The following PDE8B variants were observed in gnomAD, a reference collection of about 807,000 sequenced individuals.
PDE8B encodes the protein high affinity cAMP-specific and IBMX-insensitive 3',5'-cyclic phosphodiesterase 8B.
A neutral mutation model predicts 101.3 loss-of-function variants in PDE8B; 26 were observed. That is an observed-to-expected ratio of 0.26 (90% CI 0.19 to 0.36). PDE8B has a LOEUF of 0.36. PDE8B is among the 10% of genes least tolerant of loss of function. PDE8B has a pLI of 1.00. For synonymous variants in PDE8B, 424 were observed against 429.3 expected, an observed-to-expected ratio of 0.99 and a Z score of 0.15; for missense variants, 810 against 1,163.1, an observed-to-expected ratio of 0.70 and a Z score of 4.42.
At chr5:77,367,901 A>G (rs1244381970) in intron 10 of PDE8B, among the ~76,000 whole-genome samples, 1 of 152,184 alleles carries the variant, frequency 6.6e-6, no homozygotes, top group East Asian at 1.9e-4. Flanking sequence ...CTGCACTTGC[A>G]GCGTTCTTCA....
At chr5:77,376,765 C>T (rs1413722830) in intron 10 of PDE8B, among the ~76,000 whole-genome samples, 1 of 152,170 alleles carries the variant, frequency 6.6e-6, no homozygotes, top group African/African-American at 2.4e-5. Flanking sequence ...TGCACTAGCT[C>T]TCAAGGGACC....
chr5:77,280,018 T>C (rs976249023), intron 1 of PDE8B, among the ~76,000 whole-genome samples: 4 of 152,220 alleles, frequency 2.6e-5, no homozygotes, highest in African/African-American at 7.2e-5. Flanking sequence ...GCCAGCTTTA[T>C]CCTGACGCCC....
chr5:77,283,355 A>G (rs1765390996), intron 1 of PDE8B, among the ~76,000 whole-genome samples: 1 of 152,172 alleles, frequency 6.6e-6, no homozygotes, highest in African/African-American at 2.4e-5. Flanking sequence ...ATAATCATCC[A>G]GAGTCCATAG....
chr5:77,339,320 G>A (rs1778769337), intron 6 of PDE8B, among the ~76,000 whole-genome samples: 1 of 152,180 alleles, frequency 6.6e-6, no homozygotes, highest in South Asian at 2.1e-4. Flanking sequence ...CTTGACCCAC[G>A]AAGGTAGTGG....
chr5:77,217,292 G>A (rs561705273), intron 1 of PDE8B, among the ~76,000 whole-genome samples: 152 of 151,180 alleles, frequency 1.0e-3, no homozygotes, highest in African/African-American at 3.5e-3. Context: ...TGTCTTATCA[G>A]TTTATTCCAT....
rs114390680 is a variant in PDE8B at position 77,288,735 on chromosome 5, T to C, written c.340-23259T>C. Reference sequence around the variant, plus strand: ...TTTACAAAACTGATATCCATAGAGATGGTGTGATTTGTCCATGACCACACA... The same window carrying C: ...TTTACAAAACTGATATCCATAGAGACGGTGTGATTTGTCCATGACCACACA... On this transcript the variant is annotated intron_variant, in intron 1 of 21. Coordinates refer to ENST00000264917, the MANE Select transcript of PDE8B (RefSeq NM_003719.5). Among the ~76,000 whole-genome samples the C allele has an allele frequency of 7.1e-3, 1,077 of 152,268 alleles. 15 individuals are homozygous for C. Among genetic ancestry groups the C allele is most frequent in the African/African-American group, 0.024 (1,007 of 41,550 alleles).
intron 7 of PDE8B, among the ~76,000 whole-genome samples, chr5:77,346,059 C>A (rs952714029): frequency 1.3e-5 from 2 of 152,084 alleles, no homozygotes; most frequent in African/African-American, 2.4e-5. Flanking sequence ...AAACTGAGTC[C>A]CAACAAGGCC....
At chr5:77,193,079 GA>G in the PDE8B span, among the ~76,000 whole-genome samples, 1 of 152,122 alleles carries the variant, frequency 6.6e-6, no homozygotes. Flanking sequence ...ATATATTCCA[GA>G]TACAAGTCAT....
At chr5:77,419,944 G>A in intron 19 of PDE8B, 57 bp downstream of exon 19, 6 of 1,598,152 alleles carry the variant, frequency 3.8e-6, no homozygotes, top group Non-Finnish European at 5.1e-6. Flanking sequence ...ATAAGAGCCT[G>A]CTCTGGCCCT....
rs1774050772 is a variant in PDE8B, at chr5:77,317,647, A to G, written c.399+5594A>G. On this transcript the variant is annotated intron_variant, in intron 2 of 21. Coordinates refer to ENST00000264917, the MANE Select transcript of PDE8B (RefSeq NM_003719.5). ...AGGAAGTGTTATGAGGCAGAGATTC[A>G]AATCAACATGATACTGTCTGAAAAA... 2.0e-5 allele frequency among the ~76,000 whole-genome samples: 3 copies of G among 152,346 alleles called. 1 individual carries two copies. The South Asian group carries it at 6.2e-4, about 32-fold the overall frequency.
chr5:77,370,246 TA>T (rs1450846625), intron 10 of PDE8B, among the ~76,000 whole-genome samples: 1 of 152,200 alleles, frequency 6.6e-6, no homozygotes, highest in Non-Finnish European at 1.5e-5. Flanking sequence ...CTTTGTAACC[TA>T]AACCCTAAGA....
At chr5:77,149,708 C>T in the PDE8B span, among the ~76,000 whole-genome samples, 2 of 152,082 alleles carry the variant, frequency 1.3e-5, no homozygotes, top group African/African-American at 4.8e-5. Flanking sequence ...ATCTTAGATC[C>T]TGCAGCTTTG....
chr5:77,274,331 C>T (rs549766204), intron 1 of PDE8B, among the ~76,000 whole-genome samples: 10 of 152,138 alleles, frequency 6.6e-5, no homozygotes, highest in East Asian at 3.8e-4. Context: ...AGGTCATCTG[C>T]GGCAGGGCTG....
At chr5:77,144,398 T>C in the PDE8B span, 10 of 152,216 alleles carry the variant, frequency 6.6e-5, no homozygotes, top group East Asian at 1.9e-3. Flanking sequence ...TGCTGTCAGG[T>C]GGAAGAGCAG....
Position 77,408,956 on chromosome 5 carries a change from A to G in PDE8B, c.1429A>G (p.Arg477Gly). Residue 477 changes from arginine (R) to glycine (G), a missense_variant, in exon 14 of 22, where the codon AGA (arginine) becomes GGA (glycine). Around this residue, in one of 4 missense-constraint regions of PDE8B, gnomAD observed 325 missense variants for 560.9 expected, o/e 0.58. Coordinates refer to ENST00000264917, the MANE Select transcript of PDE8B (RefSeq NM_003719.5). ...SPVTVAEALD[R>G]VLEILRTTEL... is the part of the protein sequence containing the mutation. ...AGTCACAGTAGCGGAAGCCTTGGAC[A>G]GAGTTCTAGAGATTTTACGGACCAC... 6.2e-7 allele frequency: 1 copy of G among 1,613,166 alleles called. No individual in the cohort carries two copies. Among genetic ancestry groups the G allele is most frequent in the South Asian group, 1.1e-5 (1 of 91,050 alleles).
At chr5:77,192,504 G>A in the PDE8B span, among the ~76,000 whole-genome samples, 1 of 152,210 alleles carries the variant, frequency 6.6e-6, no homozygotes, top group Non-Finnish European at 1.5e-5. Context: ...TATATCAGTA[G>A]TTTGTCACTT....
intron 10 of PDE8B, among the ~76,000 whole-genome samples, chr5:77,359,042 GC>G (rs1782632379): frequency 6.6e-6 from 1 of 152,234 alleles, no homozygotes; most frequent in East Asian, 1.9e-4. Flanking sequence ...GTTTGGAACA[GC>G]CAACCCCCGA....
chr5:77,119,158 A>C, the PDE8B span: 7 of 152,300 alleles, frequency 4.6e-5, no homozygotes, highest in Non-Finnish European at 1.0e-4. Context: ...TGGCTACATT[A>C]AAAAGACTGC....
chr5:77,210,582 G>T, upstream of PDE8B: 1 of 972,264 alleles, frequency 1.0e-6, no homozygotes, highest in South Asian at 4.6e-5. This position sits in a 1 kb window ranked among gnomAD's most constrained non-coding sequence, Gnocchi z 4.9. Flanking sequence ...GCGGCGGCGG[G>T]GGCCGCGCCG....
Sources: allele counts gnomAD v4.1 joint callset (sites outside exome capture counted in the v4.1 genomes callset), GRCh38; gene constraint gnomAD v4.1.1; regional missense constraint gnomAD v4.1.1; non-coding constraint Gnocchi (gnomAD v3.1); transcripts MANE v1.5; gene names NCBI Gene and HGNC (gene_info 2026-07-23, HGNC 2026-07-21).